DGKD: variants seen among roughly 807,000 people sequenced by gnomAD.
The protein encoded by DGKD is diacylglycerol kinase delta.
DGKD carries 68 observed loss-of-function variants against 154.4 expected under a neutral mutation model. The ratio of observed to expected loss-of-function variants is 0.44; its 90% confidence interval spans 0.36 to 0.54. The LOEUF (loss-of-function observed/expected upper bound fraction) is 0.54. DGKD is among the 20% of genes least tolerant of loss of function. DGKD has a pLI of 0.00. For synonymous variants in DGKD, 693 were observed against 638.0 expected (o/e 1.09, Z -1.30); for missense variants, 1,343 against 1,593.6 (o/e 0.84, Z 2.68).
chr2:233,454,235 T>C, intron 18 of DGKD: 1 of 368,614 alleles, frequency 2.7e-6, no homozygotes, highest in South Asian at 2.1e-5. Context: ...AGTGTCCGTC[T>C]GCTGATGAGC....
chr2:233,458,481 G>A lies in DGKD; in HGVS notation c.2694+84G>A. 1.9e-6 allele frequency: 2 copies of A among 1,078,296 alleles called. No homozygotes were observed. The highest frequency in any genetic ancestry group is 1.4e-5 in the South Asian group (1 of 71,592). 66.8% of individuals were successfully genotyped at this position (1,078,296 alleles called of 1,614,324 possible). A position where few individuals can be genotyped will look rare whatever the true frequency, so the allele number is the denominator to read the frequency against. ...CTGGGGCAGTGCATGGAGCCTGGGA[G>A]GGTGGGCGCTTTCCAGGGCCATGTG... On this transcript the variant is annotated intron_variant, in intron 22 of 29. Transcript: ENST00000264057. This position sits in a 1 kb window ranked among gnomAD's most constrained non-coding sequence, Gnocchi z 6.6.
intron 1 of DGKD, among the ~76,000 whole-genome samples, chr2:233,362,630 G>A (rs931687247): frequency 3.3e-5 from 5 of 152,116 alleles, no homozygotes; most frequent in African/African-American, 4.8e-5. Context: ...CAGCCTGGGC[G>A]ACAAGAGCGA....
intron 1 of DGKD, among the ~76,000 whole-genome samples, chr2:233,370,619 A>G (rs10198913): frequency 4.3e-4 from 64 of 148,080 alleles, no homozygotes; most frequent in African/African-American, 1.4e-3. Flanking sequence ...TGTTCTGTCA[A>G]TGTACCACAT....
At chr2:233,432,398 G>A (rs376538695) in intron 3 of DGKD, among the ~76,000 whole-genome samples, 4 of 141,530 alleles carry the variant, frequency 2.8e-5, no homozygotes, top group East Asian at 4.1e-4. Flanking sequence ...GGTTGCTCAC[G>A]CCTGTAATCC....
At chr2:233,455,045 G>A (rs1187335678) in intron 19 of DGKD, among the ~76,000 whole-genome samples, 172 bp downstream of exon 19, 1 of 152,236 alleles carries the variant, frequency 6.6e-6, no homozygotes, top group East Asian at 1.9e-4. Context: ...TTCAGAGATG[G>A]AAGGGAAGCA....
intron 10 of DGKD, among the ~76,000 whole-genome samples, chr2:233,444,898 ACT>A (rs780592363): frequency 4.0e-5 from 6 of 151,508 alleles, no homozygotes; most frequent in Non-Finnish European, 8.8e-5. Context: ...GGCCCTGGTC[ACT>A]CTGTTGTCAG....
chr2:233,363,917 A>G (rs1238801680), intron 1 of DGKD, among the ~76,000 whole-genome samples: 1 of 152,208 alleles, frequency 6.6e-6, no homozygotes, highest in Non-Finnish European at 1.5e-5. Context: ...TTCACATAGG[A>G]TGAAATCACC....
In DGKD at chr2:233,462,660, C is replaced by A. The variant is rs190346249; in HGVS notation, c.3111C>A (p.Phe1037Leu). ...PRTTEGLNCS[F>L]VLEMVNNFRA... ...TCTTCTAGGGGCTCAACTGCAGCTT[C>A]GTCCTGGAAATGGTGAATAACTTCA... Residue 1037 changes from phenylalanine to leucine, a missense_variant, in exon 26 of 30, where the codon TTC becomes TTA. Phe to Leu is a conservative substitution (Grantham distance 22, BLOSUM62 0). Around this residue, in one of 6 missense-constraint regions of DGKD, gnomAD observed 429 missense variants for 496.3 expected, o/e 0.86. Coordinates refer to ENST00000264057, the MANE Select transcript of DGKD (RefSeq NM_152879.3). 1.9e-6 allele frequency: 3 copies of A among 1,614,132 alleles called. No individual in the cohort carries two copies. The highest frequency in any genetic ancestry group is 3.3e-5 in the Admixed American group (2 of 60,012).
chr2:233,419,299 T>A (rs1282358506), intron 3 of DGKD: 15 of 985,496 alleles, frequency 1.5e-5, no homozygotes, highest in Non-Finnish European at 1.7e-5. Flanking sequence ...GTTCCTGCTC[T>A]ACTTCGTAAT....
Position 233,458,494 on chromosome 2 carries a change from C to T in DGKD, c.2694+97C>T, listed in dbSNP as rs2063527748. 9 of 903,490 alleles carry T rather than the reference C, an allele frequency of 1.0e-5. No homozygotes were observed. Among genetic ancestry groups the T allele is most frequent in the Non-Finnish European group, 1.5e-5 (9 of 583,712 alleles). 56.0% of individuals were successfully genotyped at this position (903,490 alleles called of 1,614,324 possible). ...TGGAGCCTGGGAGGGTGGGCGCTTT[C>T]CAGGGCCATGTGGCTGCCTCATGTC... On this transcript the variant is annotated intron_variant, in intron 22 of 29. Transcript: ENST00000264057. The surrounding 1 kb of genome is among the most constrained non-coding windows in gnomAD (Gnocchi z 6.6).
intron 26 of DGKD, 50 bp from the exon 27 acceptor site, chr2:233,464,107 GCGCTGAT>G: frequency 6.2e-7 from 1 of 1,609,256 alleles, no homozygotes; most frequent in Non-Finnish European, 8.5e-7. Flanking sequence ...CCTGGGCCTC[GCGCTGAT>G]CAGCAGTGCA....
chr2:233,373,250 A>G (rs1702412146), intron 1 of DGKD, among the ~76,000 whole-genome samples: 1 of 152,232 alleles, frequency 6.6e-6, no homozygotes, highest in South Asian at 2.1e-4. Context: ...TGTTTACAGA[A>G]TGCGTTTCAG....
chr2:233,450,599 AC>A (rs1394225846), intron 16 of DGKD, among the ~76,000 whole-genome samples: 1 of 151,664 alleles, frequency 6.6e-6, no homozygotes, highest in East Asian at 2.0e-4. Context: ...CTCAGAACTG[AC>A]CCATGGCCAC....
intron 1 of DGKD, among the ~76,000 whole-genome samples, chr2:233,364,542 C>T (rs1701934013): frequency 6.6e-6 from 1 of 151,994 alleles, no homozygotes; most frequent in African/African-American, 2.4e-5. Context: ...TTTCCATTTC[C>T]AGGAAGAAGA....
Position 233,448,346 on chromosome 2 carries a change from T to G in DGKD, c.1585T>G (p.Ser529Ala). 1 of 1,613,838 alleles carries G rather than the reference T, an allele frequency of 6.2e-7. No homozygotes were observed. The highest frequency in any genetic ancestry group is 1.7e-5 in the Admixed American group (1 of 60,004). Residue 529 changes from serine to alanine, a missense_variant, in exon 14 of 30, where the codon TCG becomes GCG. Physicochemically the swap from Ser to Ala is moderately conservative, Grantham distance 99. Coordinates refer to ENST00000264057, the MANE Select transcript of DGKD (RefSeq NM_152879.3). ...GGCCTATGAGAAGACGACCGAGAGCTCGGAGGAGTCAGAGGTCATGGCCAA... is the reference window on the plus strand; with the variant it reads ...GGCCTATGAGAAGACGACCGAGAGCGCGGAGGAGTCAGAGGTCATGGCCAA... The part of the protein sequence containing the change: ...GKAYEKTTES[S>A]EESEVMAKKC...
chr2:233,356,185 C>T (rs1205614285), intron 1 of DGKD, among the ~76,000 whole-genome samples: 1 of 152,186 alleles, frequency 6.6e-6, no homozygotes, highest in African/African-American at 2.4e-5. Flanking sequence ...AAGAAATGGC[C>T]TTCTACATAT....
intron 1 of DGKD, among the ~76,000 whole-genome samples, chr2:233,380,562 T>G (rs915028853): frequency 2.0e-5 from 3 of 152,190 alleles, no homozygotes; most frequent in Non-Finnish European, 4.4e-5. Context: ...TGCTTAGGTC[T>G]CCTTGACCAG....
At chr2:233,453,144 T>C (rs943674810) in intron 18 of DGKD, among the ~76,000 whole-genome samples, 4 of 152,240 alleles carry the variant, frequency 2.6e-5, no homozygotes, top group African/African-American at 7.2e-5. Flanking sequence ...CTTCCACTTC[T>C]GTTGCTCAGC....
chr2:233,428,032 C>T (rs2062370542), intron 3 of DGKD, among the ~76,000 whole-genome samples: 1 of 152,184 alleles, frequency 6.6e-6, no homozygotes, highest in Non-Finnish European at 1.5e-5. Context: ...AAGTGCTGCT[C>T]AGAACATCCC....
Sources: allele counts gnomAD v4.1 joint callset (sites outside exome capture counted in the v4.1 genomes callset), GRCh38; gene constraint gnomAD v4.1.1; regional missense constraint gnomAD v4.1.1; non-coding constraint Gnocchi (gnomAD v3.1); transcripts MANE v1.5; gene names NCBI Gene and HGNC (gene_info 2026-07-23, HGNC 2026-07-21).